Variants in FRMPD4 observed in about 807,000 individuals in gnomAD.
FRMPD4 encodes the protein FERM and PDZ domain containing 4.
Under a neutral mutation model 94.1 loss-of-function variants are expected in FRMPD4, and 22 were observed. That is an observed-to-expected ratio of 0.23 (90% CI 0.17 to 0.33). The LOEUF (loss-of-function observed/expected upper bound fraction) is 0.33, where lower values mean the gene tolerates loss of function less well. Ranked by LOEUF, FRMPD4 falls within the 10% of genes least tolerant of loss-of-function variation. The pLI is 1.00. For missense variants in FRMPD4, 1,111 were observed against 1,339.9 expected (o/e 0.83, Z 2.67); for synonymous variants, 631 against 548.6 (o/e 1.15, Z -2.10).
chrX:12,096,454 C>CAA (rs1219537840), intron 3 of FRMPD4, among the ~76,000 whole-genome samples: 8 of 111,305 alleles, frequency 7.2e-5, no homozygotes, highest in African/African-American at 9.8e-5. Flanking sequence ...CTTTATTACC[C>CAA]AATATATTTT....
chrX:12,473,419 T>C (rs1320096466), intron 1 of FRMPD4, among the ~76,000 whole-genome samples: 1 of 109,539 alleles, frequency 9.1e-6, no homozygotes, highest in Non-Finnish European at 1.9e-5. Context: ...ACAAGCAAAA[T>C]AACCAGCTAA....
chrX:12,280,982 T>C (rs1213163864), intron 1 of FRMPD4, among the ~76,000 whole-genome samples: 1 of 112,184 alleles, frequency 8.9e-6, no homozygotes, highest in Non-Finnish European at 1.9e-5. Flanking sequence ...TCTCAGACTG[T>C]ACCAATATTT....
At chrX:11,904,219 A>G (rs925752864) in intron 3 of FRMPD4, among the ~76,000 whole-genome samples, 1 of 112,136 alleles carries the variant, frequency 8.9e-6, no homozygotes, top group Admixed American at 9.5e-5. Flanking sequence ...TATGGTCATC[A>G]TCGGGTTTAA....
chrX:12,696,586 C>CAAAAAAAAAAAAAAAAAAAAAAGAAAA (rs57877846), intron 9 of FRMPD4, among the ~76,000 whole-genome samples: 1 of 30,062 alleles, frequency 3.3e-5, no homozygotes, highest in African/African-American at 1.1e-4. Context: ...AAAAATGAAG[C>CAAAAAAAAAAAAAAAAAAAAAAGAAAA]AAAAAAAAAA....
At chrX:11,835,963 T>C (rs752383614) in intron 1 of FRMPD4, among the ~76,000 whole-genome samples, 5 of 112,250 alleles carry the variant, frequency 4.5e-5, no homozygotes, top group South Asian at 7.4e-4. Flanking sequence ...TGGCAGGTCG[T>C]TGTGCCTACA....
intron 1 of FRMPD4, among the ~76,000 whole-genome samples, chrX:11,834,821 A>G (rs746197450): frequency 2.6e-4 from 29 of 112,114 alleles, no homozygotes; most frequent in African/African-American, 9.1e-4. Context: ...AAACCATAAC[A>G]CATGCATAGG....
At chrX:12,521,961 G>C (rs1208301322) in intron 2 of FRMPD4, among the ~76,000 whole-genome samples, 1 of 110,970 alleles carries the variant, frequency 9.0e-6, no homozygotes, top group Non-Finnish European at 1.9e-5. Flanking sequence ...AATACCCATG[G>C]GGCTATAGGA....
chrX:12,282,036 T>A (rs994081648), intron 1 of FRMPD4, among the ~76,000 whole-genome samples: 3 of 112,416 alleles, frequency 2.7e-5, no homozygotes, highest in Non-Finnish European at 5.6e-5. Context: ...TAATAGACTA[T>A]TGATACAAAT....
chrX:11,879,150 CA>C (rs1487650908), intron 3 of FRMPD4, among the ~76,000 whole-genome samples: 3 of 112,033 alleles, frequency 2.7e-5, no homozygotes, highest in South Asian at 7.5e-4. Context: ...CTCAAACACA[CA>C]AAAAAGTCTG....
At chrX:12,551,363 C>G (rs184557872) in intron 2 of FRMPD4, among the ~76,000 whole-genome samples, 325 of 110,274 alleles carry the variant, frequency 2.9e-3, no homozygotes, top group Middle Eastern at 0.014. Flanking sequence ...ATATATATAT[C>G]CAAAACATAT....
At chrX:12,276,439 G>A (rs2054437713) in intron 1 of FRMPD4, among the ~76,000 whole-genome samples, 2 of 112,026 alleles carry the variant, frequency 1.8e-5, no homozygotes, top group South Asian at 3.8e-4. Context: ...GGAAGTGGGG[G>A]CTTCCAGGTT....
rs181362477 is a variant in FRMPD4 at position 12,174,834 on chromosome X, A to G, written c.41+35822A>G. Among the ~76,000 whole-genome samples, 35 of 112,404 alleles carry G rather than the reference A, an allele frequency of 3.1e-4. No homozygotes were observed. In the East Asian group the frequency reaches 9.8e-3, roughly 32 times the overall value. On this transcript the variant is annotated intron_variant, in intron 1 of 16. Transcript: ENST00000675598. ...CTATTCTGTTTGCCTGAAATGGTTT[A>G]GCTCCTTCCTTCTTCTGGTCCACTT...
At chrX:12,144,679 A>G (rs751165809) in intron 1 of FRMPD4, among the ~76,000 whole-genome samples, 4 of 109,829 alleles carry the variant, frequency 3.6e-5, no homozygotes, top group Middle Eastern at 4.8e-3. Context: ...ACGGAATACA[A>G]TGTACATGTT....
At chrX:12,479,464 G>GTA (rs1167621887) in intron 1 of FRMPD4, among the ~76,000 whole-genome samples, 18 of 75,125 alleles carry the variant, frequency 2.4e-4, no homozygotes, top group Non-Finnish European at 2.2e-4. Flanking sequence ...ATGTATATAT[G>GTA]TATATATATG....
intron 1 of FRMPD4, among the ~76,000 whole-genome samples, chrX:12,293,596 G>T (rs2054722413): frequency 8.9e-6 from 1 of 112,585 alleles, no homozygotes; most frequent in Non-Finnish European, 1.9e-5. Flanking sequence ...CTAATATTAG[G>T]TAATTTTGCT....
At chrX:12,163,146 G>T (rs188805228) in intron 1 of FRMPD4, among the ~76,000 whole-genome samples, 128 of 110,752 alleles carry the variant, frequency 1.2e-3, no homozygotes, top group African/African-American at 3.9e-3. Flanking sequence ...ATGATAAATG[G>T]AGCCATTAGG....
chrX:12,183,192 C>T (rs1409689476), intron 1 of FRMPD4, among the ~76,000 whole-genome samples: 4 of 111,462 alleles, frequency 3.6e-5, no homozygotes, highest in Non-Finnish European at 7.5e-5. Flanking sequence ...CCACACCTGC[C>T]GAGATTCACA....
chrX:12,454,010 G>A (rs1216666198), intron 1 of FRMPD4, among the ~76,000 whole-genome samples: 1 of 112,456 alleles, frequency 8.9e-6, no homozygotes, highest in Non-Finnish European at 1.9e-5. Context: ...TAAATATGGT[G>A]CAGGAAAGCT....
At chrX:12,184,326 G>A (rs12840919) in intron 1 of FRMPD4, among the ~76,000 whole-genome samples, 11,600 of 111,086 alleles carry the variant, frequency 0.1, 534 homozygotes, top group South Asian at 0.26. Context: ...AGCCACCTGA[G>A]AATTCCTGGA....
Sources: allele counts gnomAD v4.1 joint callset (sites outside exome capture counted in the v4.1 genomes callset), GRCh38; gene constraint gnomAD v4.1.1; transcripts MANE v1.5; gene names NCBI Gene and HGNC (gene_info 2026-07-23, HGNC 2026-07-21).